Variants in SLCO1B1 observed in about 807,000 individuals in gnomAD.
SLCO1B1 encodes solute carrier organic anion transporter family member 1B1, also known as OATP-2.
Under a neutral mutation model 70.1 loss-of-function variants are expected in SLCO1B1, and 81 were observed. The ratio of observed to expected loss-of-function variants is 1.16; its 90% CI spans 0.97 to 1.39. The LOEUF (loss-of-function observed/expected upper bound fraction) is 1.39. Ranked by LOEUF, SLCO1B1 falls within the 40% of genes most tolerant of loss-of-function variation. SLCO1B1 has a pLI of 0.00. For missense variants in SLCO1B1, 895 were observed against 799.6 expected (o/e 1.12, Z -1.44); for synonymous variants, 283 against 271.5 (o/e 1.04, Z -0.42).
At position 21,222,359 on chromosome 12, in the gene SLCO1B1, C is replaced by T. The variant is rs751309254; in HGVS notation, c.1742C>T (p.Ala581Val). 6.5e-6 allele frequency: 3 copies of T among 464,854 alleles called. No individual in the cohort carries two copies. Among genetic ancestry groups the T allele is most frequent in the Non-Finnish European group, 6.4e-6 (2 of 313,506 alleles). 28.8% of individuals were successfully genotyped at this position (464,854 alleles called of 1,614,324 possible). Residue 581 changes from alanine to valine, a missense_variant, in exon 13 of 15, where the codon GCA (alanine) becomes GTA (valine). Physicochemically the swap from Ala to Val is moderately conservative, Grantham distance 64 (BLOSUM62 0). Coordinates refer to ENST00000256958, the MANE Select transcript of SLCO1B1 (RefSeq NM_006446.5). ...ALGFHSMVIRALGGILAPIYF... is the reference protein window; with the variant it reads ...ALGFHSMVIRVLGGILAPIYF... ...GGTTTCCACTCAATGGTTATACGAG[C>T]ACTAGGTATGATGAAAAAAAAAAAA...
chr12:21,172,660 C>T lies in SLCO1B1; in HGVS notation c.95C>T (p.Ala32Val), dbSNP rs918985116. 18 of 1,613,706 alleles carry T rather than the reference C, an allele frequency of 1.1e-5. No homozygotes were observed. The highest frequency in any genetic ancestry group is 1.4e-5 in the Non-Finnish European group (17 of 1,179,840). ...RYCNGLKMFL[A>V]ALSLSFIAKT... ...TCTGATTTTTCTTAGATGTTCTTGG[C>T]AGCTCTGTCACTCAGCTTTATTGCT... Residue 32 changes from alanine (A) to valine (V), a missense_variant, in exon 3 of 15, where the codon GCA (alanine) becomes GTA (valine). By Grantham distance (64) the Ala-to-Val change is moderately conservative. Coordinates refer to ENST00000256958, the MANE Select transcript of SLCO1B1 (RefSeq NM_006446.5).
At chr12:21,217,093 G>T in intron 11 of SLCO1B1, 26 bp from the exon 12 acceptor site, 1 of 1,601,242 alleles carries the variant, frequency 6.2e-7, no homozygotes, top group South Asian at 1.1e-5. Context: ...AATTTCTTAT[G>T]TCATATTTTA....
At chr12:21,148,695 CTTTT>C (rs71043249) in intron 2 of SLCO1B1, among the ~76,000 whole-genome samples, 1,780 of 100,158 alleles carry the variant, frequency 0.018, 49 homozygotes, top group African/African-American at 0.062. Context: ...GCTATATGGG[CTTTT>C]TTTTTTTTTT....
At chr12:21,168,783 C>G (rs1003633005) in intron 2 of SLCO1B1, among the ~76,000 whole-genome samples, 1 of 152,118 alleles carries the variant, frequency 6.6e-6, no homozygotes, top group Non-Finnish European at 1.5e-5. Flanking sequence ...TAGATATTAA[C>G]TCCTCATCAC....
intron 1 of SLCO1B1, among the ~76,000 whole-genome samples, chr12:21,132,391 G>T (rs1940150229): frequency 6.6e-6 from 1 of 152,144 alleles, no homozygotes; most frequent in Admixed American, 6.5e-5. Flanking sequence ...TCCAGTTCTA[G>T]ATCCCTGAGG....
chr12:21,203,443 G>C (rs80316721), intron 10 of SLCO1B1, among the ~76,000 whole-genome samples: 1 of 151,892 alleles, frequency 6.6e-6, no homozygotes, highest in Non-Finnish European at 1.5e-5. Context: ...GCTTAGGAAG[G>C]TTCACATTCA....
At chr12:21,158,215 A>G (rs1296891433) in intron 2 of SLCO1B1, among the ~76,000 whole-genome samples, 2 of 152,192 alleles carry the variant, frequency 1.3e-5, no homozygotes, top group Admixed American at 1.3e-4. Context: ...TATTAAGTAA[A>G]GTAATAGCTA....
At chr12:21,191,011 C>T (rs935755969) in intron 7 of SLCO1B1, among the ~76,000 whole-genome samples, 2 of 151,856 alleles carry the variant, frequency 1.3e-5, no homozygotes, top group Non-Finnish European at 2.9e-5. Flanking sequence ...ATATTTCTGT[C>T]TTTATGCTGG....
intron 7 of SLCO1B1, among the ~76,000 whole-genome samples, chr12:21,188,087 T>C (rs984189867): frequency 1.3e-5 from 2 of 152,192 alleles, no homozygotes; most frequent in African/African-American, 4.8e-5. Flanking sequence ...AAGCATGTGT[T>C]GGAAGAAGGA....
chr12:21,137,884 G>A (rs1313531734), intron 1 of SLCO1B1, among the ~76,000 whole-genome samples: 4 of 152,138 alleles, frequency 2.6e-5, no homozygotes, highest in Non-Finnish European at 4.4e-5. Context: ...AGATGAACCC[G>A]GTACCTCAGT....
At chr12:21,190,058 CT>C (rs2121127706) in intron 7 of SLCO1B1, among the ~76,000 whole-genome samples, 1 of 152,172 alleles carries the variant, frequency 6.6e-6, no homozygotes, top group African/African-American at 2.4e-5. Context: ...GGAAGCAGGC[CT>C]TTAGAAAGGT....
At chr12:21,164,802 A>G in intron 2 of SLCO1B1, 1 of 484,150 alleles carries the variant, frequency 2.1e-6, no homozygotes, top group South Asian at 1.5e-5. Flanking sequence ...CATCTTTAAG[A>G]ACTTTAACCT....
chr12:21,144,092 A>G (rs946038099), intron 2 of SLCO1B1, among the ~76,000 whole-genome samples: 1 of 152,154 alleles, frequency 6.6e-6, no homozygotes, highest in Admixed American at 6.6e-5. Flanking sequence ...TATATGTTTC[A>G]TCATTACACT....
At chr12:21,192,207 A>G (rs1941036706) in intron 7 of SLCO1B1, among the ~76,000 whole-genome samples, 1 of 151,824 alleles carries the variant, frequency 6.6e-6, no homozygotes, top group Non-Finnish European at 1.5e-5. Flanking sequence ...TTCTTTAGCT[A>G]TTTAGTAACA....
At chr12:21,176,657 C>G (rs1940824606) in intron 4 of SLCO1B1, 119 bp from the exon 5 acceptor site, 3 of 780,728 alleles carry the variant, frequency 3.8e-6, no homozygotes, top group Non-Finnish European at 6.5e-6. Flanking sequence ...ACAGAAAGTA[C>G]TCTGGTAATT....
intron 11 of SLCO1B1, among the ~76,000 whole-genome samples, chr12:21,210,284 C>T (rs1376548813): frequency 7.8e-6 from 1 of 127,476 alleles, no homozygotes; most frequent in East Asian, 2.6e-4. Context: ...ATATGGCTAG[C>T]CAGTTTTCCC....
intron 2 of SLCO1B1, among the ~76,000 whole-genome samples, chr12:21,145,473 A>ATTTTTTTTTTTTTT (rs35334634): frequency 1.6e-4 from 12 of 76,088 alleles, no homozygotes; most frequent in East Asian, 4.6e-4. Context: ...CATTTTTTTC[A>ATTTTTTTTTTTTTT]TTTTTTTTTT....
chr12:21,139,589 T>C (rs1731654704), intron 1 of SLCO1B1, among the ~76,000 whole-genome samples: 1 of 152,112 alleles, frequency 6.6e-6, no homozygotes, highest in Non-Finnish European at 1.5e-5. Flanking sequence ...AATTAGTGAA[T>C]AAAATATAGA....
At chr12:21,187,934 G>A (rs531586698) in intron 7 of SLCO1B1, among the ~76,000 whole-genome samples, 1 of 152,156 alleles carries the variant, frequency 6.6e-6, no homozygotes, top group African/African-American at 2.4e-5. Flanking sequence ...ACTAGTGTCA[G>A]ATGATGGGGA....
Sources: allele counts gnomAD v4.1 joint callset (sites outside exome capture counted in the v4.1 genomes callset), GRCh38; gene constraint gnomAD v4.1.1; transcripts MANE v1.5; gene names NCBI Gene and HGNC (gene_info 2026-07-23, HGNC 2026-07-21).